DOP1A: variants seen among roughly 807,000 people sequenced by gnomAD.
DOP1A encodes the protein DOP1 leucine zipper like protein A.
In DOP1A, 90 loss-of-function variants were observed where a neutral mutation model predicts 267.6. The ratio of observed to expected loss-of-function variants is 0.34; its 90% confidence interval spans 0.28 to 0.40. DOP1A has a LOEUF of 0.40. DOP1A is among the 10% of genes least tolerant of loss of function. DOP1A has a pLI of 1.00. For missense variants in DOP1A, 2,437 were observed against 2,900.4 expected (o/e 0.84, Z 3.67); for synonymous variants, 932 against 999.1 (o/e 0.93, Z 1.27).
chr6:83,071,686 G>A (rs1785625212), intron 1 of DOP1A, among the ~76,000 whole-genome samples: 1 of 152,004 alleles, frequency 6.6e-6, no homozygotes, highest in African/African-American at 2.4e-5. Flanking sequence ...ATTAAAAAGT[G>A]TACTACAATT....
chr6:83,100,417 A>G (rs886480723), intron 3 of DOP1A, among the ~76,000 whole-genome samples: 3 of 152,056 alleles, frequency 2.0e-5, no homozygotes, highest in African/African-American at 7.2e-5. Context: ...AAATTTACCA[A>G]AAAAAATCTA....
intron 34 of DOP1A, among the ~76,000 whole-genome samples, chr6:83,156,653 T>C (rs1472180801): frequency 1.3e-5 from 2 of 152,190 alleles, no homozygotes; most frequent in African/African-American, 2.4e-5. Flanking sequence ...ACAGAATTAT[T>C]TGCTGCTCGA....
At chr6:83,131,312 G>A (rs1000789730) in intron 17 of DOP1A, among the ~76,000 whole-genome samples, 1 of 151,952 alleles carries the variant, frequency 6.6e-6, no homozygotes, top group Non-Finnish European at 1.5e-5. Flanking sequence ...ATTTCCTCCT[G>A]CTAGATTAGA....
At chr6:83,136,204 A>T (rs927954111) in intron 20 of DOP1A, among the ~76,000 whole-genome samples, 64 of 152,174 alleles carry the variant, frequency 4.2e-4, no homozygotes, top group African/African-American at 1.5e-3. Flanking sequence ...TAGATACTTC[A>T]TTGGGAATTT....
rs1582996436 is a variant in DOP1A, at chr6:83,117,169, G to A, written c.781-1719G>A. Among the ~76,000 whole-genome samples the A allele has an allele frequency of 1.2e-4, 6 of 50,690 alleles. No individual in the cohort carries two copies. The South Asian group carries it at 3.0e-3, about 25-fold the overall frequency. The allele number at this position is 50,690 out of a possible 152,430, so 33.3% of individuals were successfully genotyped here. A position where few individuals can be genotyped will look rare whatever the true frequency, so the allele number is the denominator to read the frequency against. On this transcript the variant is annotated intron_variant, in intron 7 of 38. Transcript: ENST00000349129. Reference sequence around the variant, plus strand: ...ATTTTATTTTATTTTATTTTATTTTGAGACAGAGTCTTTCTCTGTCACCTA... The same window carrying A: ...ATTTTATTTTATTTTATTTTATTTTAAGACAGAGTCTTTCTCTGTCACCTA...
intron 1 of DOP1A, among the ~76,000 whole-genome samples, chr6:83,088,749 G>A (rs1184324816): frequency 6.6e-6 from 1 of 152,136 alleles, no homozygotes; most frequent in Non-Finnish European, 1.5e-5. Flanking sequence ...CTCAAGGGAA[G>A]TTTCCAGCTT....
chr6:83,097,527 A>G (rs1771713005), intron 3 of DOP1A, among the ~76,000 whole-genome samples: 2 of 152,222 alleles, frequency 1.3e-5, no homozygotes, highest in African/African-American at 4.8e-5. Flanking sequence ...GCAACAAGGA[A>G]ACATTTTCTA....
At chr6:83,170,958 C>A (rs1786964848), downstream of DOP1A, 1 of 154,622 alleles carries the variant, frequency 6.5e-6, no homozygotes, top group Admixed American at 6.3e-5. Flanking sequence ...TATCTGAATT[C>A]TCTCCCTCAG....
intron 11 of DOP1A, 65 bp from the exon 12 acceptor site, chr6:83,122,798 A>C (rs1776563718): frequency 2.4e-6 from 3 of 1,271,374 alleles, no homozygotes; most frequent in African/African-American, 1.6e-5. Flanking sequence ...ACTGCACTCA[A>C]ATTTAAATTT....
At chr6:83,110,768 G>A (rs1774414801) in intron 6 of DOP1A, among the ~76,000 whole-genome samples, 1 of 152,092 alleles carries the variant, frequency 6.6e-6, no homozygotes, top group Non-Finnish European at 1.5e-5. Context: ...GGATCATTTT[G>A]AAAAATTAAA....
rs113484246 is a variant in DOP1A, at chr6:83,110,561, A to G, written c.681+247A>G. 8.8e-3 allele frequency among the ~76,000 whole-genome samples: 1,342 copies of G among 152,312 alleles called. 18 individuals are homozygous for G. Among genetic ancestry groups the G allele is most frequent in the African/African-American group, 0.031 (1,274 of 41,570 alleles). ...AGAAGTGAATTTTAGATAAAGTAAT[A>G]TAGCCAGATTCCGTATGGAATTTAT... On this transcript the variant is annotated intron_variant, in intron 6 of 38. Coordinates refer to ENST00000349129, the MANE Select transcript of DOP1A (RefSeq NM_015018.4).
At chr6:83,070,909 A>G (rs1411253654) in intron 1 of DOP1A, among the ~76,000 whole-genome samples, 1 of 152,206 alleles carries the variant, frequency 6.6e-6, no homozygotes, top group Non-Finnish European at 1.5e-5. Context: ...TTTAGTTATT[A>G]ATATTTCTTT....
chr6:83,151,499 C>T, intron 27 of DOP1A, 94 bp from the exon 28 acceptor site: 1 of 875,408 alleles, frequency 1.1e-6, no homozygotes, highest in Non-Finnish European at 1.7e-6. Flanking sequence ...AAATCAAGAC[C>T]ATTAAGCCGC....
downstream of DOP1A, chr6:83,169,356 A>C: frequency 6.2e-7 from 1 of 1,611,480 alleles, no homozygotes; most frequent in Non-Finnish European, 8.5e-7. Flanking sequence ...TTAGATGAGA[A>C]AGACATAGCA....
chr6:83,141,920 G>T lies in DOP1A; in HGVS notation c.5416-1G>T. On this transcript the variant is annotated splice_acceptor_variant, in intron 23 of 38. Transcript: ENST00000349129. LOFTEE classifies it high-confidence loss of function. ...CTTTCATTTGCTTCAAATTGTTTTA[G>T]AACTTGAGACAACAGATTCTTGAAT... 6.3e-7 allele frequency: 1 copy of T among 1,590,360 alleles called. No homozygotes were observed. Among genetic ancestry groups the T allele is most frequent in the South Asian group, 1.2e-5 (1 of 86,492 alleles).
At chr6:83,165,820 G>T in intron 38 of DOP1A, 1 of 314,138 alleles carries the variant, frequency 3.2e-6, no homozygotes, top group Non-Finnish European at 6.4e-6. Context: ...CCTTTCTGGT[G>T]GCCAATGCCG....
At chr6:83,147,941 C>G (rs1780868491) in intron 26 of DOP1A, among the ~76,000 whole-genome samples, 1 of 152,034 alleles carries the variant, frequency 6.6e-6, no homozygotes, top group African/African-American at 2.4e-5. Context: ...TGACAGCCCT[C>G]CATAATATGA....
At chr6:83,073,091 C>CT (rs750533709) in intron 1 of DOP1A, 373 of 225,506 alleles carry the variant, frequency 1.7e-3, no homozygotes, top group South Asian at 3.8e-3. Flanking sequence ...TTTCCTTTTT[C>CT]TTTTTTTTTG....
chr6:83,153,970 G>T lies in DOP1A; in HGVS notation c.6316G>T (p.Ala2106Ser). 1 of 1,614,026 alleles carries T rather than the reference G, an allele frequency of 6.2e-7. No individual in the cohort carries two copies. The highest frequency in any genetic ancestry group is 8.5e-7 in the Non-Finnish European group (1 of 1,179,980). Residue 2106 changes from alanine (A) to serine (S), a missense_variant, in exon 32 of 39, where the codon GCT (alanine) becomes TCT (serine). This residue lies in a region of DOP1A where 216 missense variants were observed against 283.3 expected (regional missense o/e 0.76). Coordinates refer to ENST00000349129, the MANE Select transcript of DOP1A (RefSeq NM_015018.4). ...TAGTGGGTATCAGTACACACGGAGAGCTTGGAAAAAAGAAGCTTTTGACCT... is the reference window on the plus strand; with the variant it reads ...TAGTGGGTATCAGTACACACGGAGATCTTGGAAAAAAGAAGCTTTTGACCT... ...SLSGYQYTRR[A>S]WKKEAFDLFM... is the part of the protein sequence containing the mutation.
Sources: gnomAD v4.1 joint callset for allele counts (sites outside exome capture counted in the v4.1 genomes callset) on GRCh38, gnomAD v4.1.1 for gene constraint, gnomAD v4.1.1 regional missense constraint, MANE v1.5 for transcripts, NCBI Gene and HGNC (gene_info 2026-07-23, HGNC 2026-07-21) for gene names.